The following GRM5 variants were observed in gnomAD, a reference collection of about 807,000 sequenced individuals.
GRM5 encodes the protein glutamate metabotropic receptor 5.
A neutral mutation model predicts 83.1 loss-of-function variants in GRM5; 19 were observed. The ratio of observed to expected loss-of-function variants is 0.23; its 90% CI spans 0.16 to 0.34. The LOEUF (loss-of-function observed/expected upper bound fraction) is 0.34, where lower values mean the gene tolerates loss of function less well. Ranked by LOEUF, GRM5 falls within the 10% of genes least tolerant of loss-of-function variation. The probability of loss-of-function intolerance (pLI) is 1.00; values close to 1 mark genes in which losing one functional copy is unlikely to be tolerated. For synonymous variants in GRM5, 675 were observed against 633.6 expected, an observed-to-expected ratio of 1.07 and a Z score of -0.98; for missense variants, 1,160 against 1,588.3, an observed-to-expected ratio of 0.73 and a Z score of 4.58.
At chr11:89,041,694 C>T (rs1941539000) in intron 2 of GRM5, among the ~76,000 whole-genome samples, 1 of 152,178 alleles carries the variant, frequency 6.6e-6, no homozygotes, top group African/African-American at 2.4e-5. Flanking sequence ...TCACTGCTAG[C>T]AATGAAGTTT....
intron 3 of GRM5, among the ~76,000 whole-genome samples, chr11:88,828,070 A>G (rs548640005): frequency 7.9e-5 from 12 of 152,292 alleles, no homozygotes; most frequent in African/African-American, 2.6e-4. Flanking sequence ...TCAGGCAAAG[A>G]GAACAGTAAG....
intron 4 of GRM5, among the ~76,000 whole-genome samples, chr11:88,613,100 C>T (rs539317044): frequency 2.6e-5 from 4 of 152,076 alleles, no homozygotes; most frequent in African/African-American, 7.2e-5. Flanking sequence ...TTTGCTTGGA[C>T]TTGCTTTATT....
intron 4 of GRM5, among the ~76,000 whole-genome samples, chr11:88,608,679 C>T (rs866073322): frequency 4.0e-5 from 6 of 151,718 alleles, no homozygotes; most frequent in African/African-American, 9.7e-5. Flanking sequence ...CCACCATGCC[C>T]GGGTACATTT....
intron 3 of GRM5, among the ~76,000 whole-genome samples, chr11:88,836,598 C>T (rs746360104): frequency 3.3e-5 from 5 of 152,024 alleles, no homozygotes; most frequent in Non-Finnish European, 4.4e-5. Flanking sequence ...TTGAGACCAA[C>T]GTGGCCAAGA....
intron 3 of GRM5, among the ~76,000 whole-genome samples, chr11:88,835,099 G>A (rs493259): frequency 0.99 from 150,067 of 152,276 alleles, 73,978 homozygotes; most frequent in East Asian, 1. Context: ...GTGTAAGAGG[G>A]AAAAGAAGAA....
chr11:88,904,946 C>T (rs1383388195), intron 2 of GRM5, among the ~76,000 whole-genome samples: 2 of 152,124 alleles, frequency 1.3e-5, no homozygotes, highest in African/African-American at 4.8e-5. Context: ...TAAAAGATCT[C>T]ATAAACAGAA....
chr11:89,023,189 A>C (rs1347277565), intron 2 of GRM5, among the ~76,000 whole-genome samples: 2 of 151,638 alleles, frequency 1.3e-5, no homozygotes, highest in Non-Finnish European at 2.9e-5. Context: ...ATGTGCGTTC[A>C]TTGTGTGGGT....
At chr11:88,965,949 A>G (rs973463030) in intron 2 of GRM5, among the ~76,000 whole-genome samples, 2 of 152,174 alleles carry the variant, frequency 1.3e-5, no homozygotes, top group Non-Finnish European at 2.9e-5. Flanking sequence ...CAGAATATGC[A>G]TTGTTCCCTC....
chr11:89,047,803 C>G lies in GRM5; in HGVS notation c.70G>C (p.Glu24Gln). The G allele has an allele frequency of 6.2e-7, 1 of 1,613,844 alleles. No individual in the cohort carries two copies. The highest frequency in any genetic ancestry group is 8.5e-7 in the Non-Finnish European group (1 of 1,179,738). ...EDVRGSAQSS[E>Q]RRVVAHMPGD... ...GGCATGTGAGCCACCACCCTCCTCT[C>G]ACTGGACTGTGCACTCCCACGGACA... The change falls in exon 2 of 10, where the codon GAG becomes CAG. Residue 24 changes from glutamate to glutamine, a missense_variant. Glu to Gln is a conservative substitution (Grantham distance 29). Transcript: ENST00000305447. The surrounding 1 kb of genome is among the most constrained non-coding windows in gnomAD (Gnocchi z 5.1).
intron 8 of GRM5, among the ~76,000 whole-genome samples, chr11:88,527,614 C>G (rs1173872954): frequency 6.6e-6 from 1 of 152,142 alleles, no homozygotes; most frequent in Admixed American, 6.6e-5. Context: ...GAATATAAAT[C>G]TCTCTATCAT....
intron 2 of GRM5, among the ~76,000 whole-genome samples, chr11:88,945,413 A>T (rs541430685): frequency 1.3e-5 from 2 of 152,090 alleles, no homozygotes; most frequent in Admixed American, 6.6e-5. Flanking sequence ...CATATGGAAC[A>T]AAAAAAGAGC....
intron 2 of GRM5, among the ~76,000 whole-genome samples, chr11:88,976,573 CTGT>C (rs1939343976): frequency 6.6e-6 from 1 of 151,660 alleles, no homozygotes; most frequent in African/African-American, 2.4e-5. Flanking sequence ...TTAATAATTG[CTGT>C]TATTATGTAA....
At chr11:88,639,061 C>T (rs34129423) in intron 4 of GRM5, among the ~76,000 whole-genome samples, 18,260 of 151,938 alleles carry the variant, frequency 0.12, 1,496 homozygotes, top group Non-Finnish European at 0.18. Context: ...AAGCTGTGGC[C>T]ATTGGTTTGT....
intron 2 of GRM5, among the ~76,000 whole-genome samples, chr11:88,947,195 G>A (rs1191597686): frequency 6.6e-6 from 1 of 152,072 alleles, no homozygotes; most frequent in Non-Finnish European, 1.5e-5. Context: ...GGCCTCACAT[G>A]ACTTAAATAA....
At chr11:88,873,729 G>T (rs1944805632) in intron 2 of GRM5, among the ~76,000 whole-genome samples, 2 of 151,608 alleles carry the variant, frequency 1.3e-5, no homozygotes, top group Admixed American at 1.3e-4. Context: ...CAATAGGAAA[G>T]TTTATAGCAA....
At chr11:88,877,851 A>C (rs1261980818) in intron 2 of GRM5, among the ~76,000 whole-genome samples, 3 of 151,414 alleles carry the variant, frequency 2.0e-5, no homozygotes, top group South Asian at 2.1e-4. Context: ...AGCAGAAAGA[A>C]AGAAAGAAAG....
chr11:88,831,555 C>G (rs1565252030), intron 3 of GRM5, among the ~76,000 whole-genome samples: 1 of 152,180 alleles, frequency 6.6e-6, no homozygotes, highest in Non-Finnish European at 1.5e-5. Flanking sequence ...ACAGTCACAC[C>G]CCATTCAAGT....
chr11:88,894,483 C>G (rs992468232), intron 2 of GRM5, among the ~76,000 whole-genome samples: 1 of 151,988 alleles, frequency 6.6e-6, no homozygotes, highest in African/African-American at 2.4e-5. Flanking sequence ...GCTGCTTCAT[C>G]TTGAGGTCTG....
At chr11:88,511,890 T>C (rs1001208441) in intron 9 of GRM5, 1 of 152,194 alleles carries the variant, frequency 6.6e-6, no homozygotes, top group Admixed American at 6.5e-5. Flanking sequence ...GTACAAGTAT[T>C]ATTTCAGGTC....
Sources: gnomAD v4.1 joint callset for allele counts (sites outside exome capture counted in the v4.1 genomes callset) on GRCh38, gnomAD v4.1.1 for gene constraint, Gnocchi (gnomAD v3.1) non-coding constraint, MANE v1.5 for transcripts, NCBI Gene and HGNC (gene_info 2026-07-23, HGNC 2026-07-21) for gene names.